MAP2K1: variants seen among roughly 807,000 people sequenced by gnomAD.
The protein encoded by MAP2K1 is mitogen-activated protein kinase kinase 1.
A neutral mutation model predicts 46.3 loss-of-function variants in MAP2K1; 16 were observed. That is an observed-to-expected ratio of 0.35 (90% CI 0.23 to 0.52). The LOEUF (loss-of-function observed/expected upper bound fraction) is 0.52, where lower values mean the gene tolerates loss of function less well. MAP2K1 is among the 20% of genes least tolerant of loss of function. MAP2K1 has a pLI of 0.94. For synonymous variants in MAP2K1, 183 were observed against 185.6 expected (o/e 0.99, Z 0.11); for missense variants, 263 against 497.1 (o/e 0.53, Z 4.48).
chr15:66,444,389 C>T (rs1210414905), intron 4 of MAP2K1, among the ~76,000 whole-genome samples: 1 of 151,658 alleles, frequency 6.6e-6, no homozygotes, highest in Admixed American at 6.6e-5. Flanking sequence ...CAAAATTAGC[C>T]GGGGGTGGTA....
At chr15:66,447,819 A>G (rs1891912958) in intron 5 of MAP2K1, among the ~76,000 whole-genome samples, 2 of 152,094 alleles carry the variant, frequency 1.3e-5, no homozygotes, top group Non-Finnish European at 2.9e-5. Flanking sequence ...ATCCATCTCC[A>G]GAACTTTTTT....
intron 1 of MAP2K1, among the ~76,000 whole-genome samples, chr15:66,432,181 G>A (rs558004487): frequency 2.0e-5 from 3 of 152,220 alleles, no homozygotes; most frequent in African/African-American, 4.8e-5. Context: ...TTGTCAACAC[G>A]ATTCCATCTC....
At chr15:66,391,128 G>A (rs563664043) in intron 1 of MAP2K1, among the ~76,000 whole-genome samples, 1 of 150,648 alleles carries the variant, frequency 6.6e-6, no homozygotes, top group South Asian at 2.1e-4. Flanking sequence ...CTGGACTCCA[G>A]TGATTCTACC....
At chr15:66,430,505 C>T (rs565352388) in intron 1 of MAP2K1, among the ~76,000 whole-genome samples, 2 of 152,200 alleles carry the variant, frequency 1.3e-5, no homozygotes, top group African/African-American at 4.8e-5. Flanking sequence ...CTGGATATCA[C>T]CCCCCTACCT....
chr15:66,469,296 A>T (rs1177164862), intron 5 of MAP2K1, among the ~76,000 whole-genome samples: 1 of 152,192 alleles, frequency 6.6e-6, no homozygotes, highest in Non-Finnish European at 1.5e-5. Context: ...CTAAGTGTCT[A>T]AACTACACTC....
intron 5 of MAP2K1, among the ~76,000 whole-genome samples, chr15:66,469,655 A>G (rs900314513): frequency 3.9e-5 from 5 of 128,048 alleles, no homozygotes; most frequent in Admixed American, 3.3e-4. Flanking sequence ...GGTCCTAGAC[A>G]GAGAAAAAAC....
intron 2 of MAP2K1, among the ~76,000 whole-genome samples, chr15:66,435,646 A>G (rs1177415760): frequency 1.3e-5 from 2 of 152,042 alleles, no homozygotes; most frequent in East Asian, 3.9e-4. Context: ...TGAATTTTGA[A>G]TGCTTGTTAT....
chr15:66,426,858 T>TAGTG (rs2093460419), intron 1 of MAP2K1, among the ~76,000 whole-genome samples: 1 of 152,244 alleles, frequency 6.6e-6, no homozygotes, highest in Middle Eastern at 3.2e-3. Flanking sequence ...TATCCTTCTG[T>TAGTG]AGTGTTACAA....
chr15:66,439,161 T>A (rs1471762035), intron 3 of MAP2K1, among the ~76,000 whole-genome samples: 1 of 152,222 alleles, frequency 6.6e-6, no homozygotes, highest in Non-Finnish European at 1.5e-5. Context: ...TATGGGCTGC[T>A]GCTTCCCTTG....
intron 1 of MAP2K1, among the ~76,000 whole-genome samples, chr15:66,400,422 T>C (rs1199786018): frequency 6.6e-6 from 1 of 152,170 alleles, no homozygotes; most frequent in African/African-American, 2.4e-5. Flanking sequence ...AGTCAAGCAG[T>C]GGTGAATCTT....
intron 5 of MAP2K1, among the ~76,000 whole-genome samples, chr15:66,479,496 C>T (rs1020507189): frequency 2.6e-5 from 4 of 152,070 alleles, no homozygotes; most frequent in African/African-American, 9.7e-5. Context: ...GTGTAGGAGA[C>T]GAGGGTCGCA....
intron 3 of MAP2K1, among the ~76,000 whole-genome samples, chr15:66,437,129 C>G (rs2093490429): frequency 6.6e-6 from 1 of 152,180 alleles, no homozygotes; most frequent in Non-Finnish European, 1.5e-5. Flanking sequence ...GTGGGTGTAC[C>G]TAGAGCACCT....
chr15:66,388,105 C>T (rs554026712), intron 1 of MAP2K1, among the ~76,000 whole-genome samples: 15 of 152,304 alleles, frequency 9.8e-5, no homozygotes, highest in Middle Eastern at 3.4e-3. Context: ...CCTAGCTTTC[C>T]GTACTTCACC....
At chr15:66,490,250 CAG>C in intron 10 of MAP2K1, 2 of 622,934 alleles carry the variant, frequency 3.2e-6, no homozygotes, top group East Asian at 3.0e-5. Flanking sequence ...GCATTTAAGG[CAG>C]AGTTACTGTC....
intron 1 of MAP2K1, among the ~76,000 whole-genome samples, chr15:66,413,817 TGAG>T (rs555422199): frequency 2.0e-5 from 3 of 152,184 alleles, no homozygotes; most frequent in South Asian, 4.1e-4. Context: ...AACGCTGTCT[TGAG>T]GAGTGAAGGA....
At chr15:66,480,609 C>T (rs760062428) in intron 5 of MAP2K1, among the ~76,000 whole-genome samples, 1 of 151,950 alleles carries the variant, frequency 6.6e-6, no homozygotes, top group African/African-American at 2.4e-5. Context: ...ATAACAGTAT[C>T]GAAGAGAAAA....
At chr15:66,458,556 G>A (rs776161627) in intron 5 of MAP2K1, among the ~76,000 whole-genome samples, 4 of 152,090 alleles carry the variant, frequency 2.6e-5, no homozygotes, top group Non-Finnish European at 5.9e-5. Flanking sequence ...TCACTCTGTC[G>A]CCCAGGCTGG....
chr15:66,420,894 C>T (rs867010633), intron 1 of MAP2K1, among the ~76,000 whole-genome samples: 11 of 108,138 alleles, frequency 1.0e-4, no homozygotes, highest in African/African-American at 3.4e-4. Context: ...TGTATATATA[C>T]ACATACATAC....
At chr15:66,417,445 G>A (rs1166964529) in intron 1 of MAP2K1, among the ~76,000 whole-genome samples, 1 of 152,098 alleles carries the variant, frequency 6.6e-6, no homozygotes, top group Non-Finnish European at 1.5e-5. Flanking sequence ...GGTGGCACGT[G>A]CCTGTAGTCC....
Sources: gnomAD v4.1 joint callset for allele counts (sites outside exome capture counted in the v4.1 genomes callset) on GRCh38, gnomAD v4.1.1 for gene constraint, MANE v1.5 for transcripts, NCBI Gene and HGNC (gene_info 2026-07-23, HGNC 2026-07-21) for gene names.